Variants in IFT56 observed in about 807,000 individuals in gnomAD.
The protein encoded by IFT56 is intraflagellar transport protein 56.
chr7:139,173,811 T>C, the IFT56 span: 4 of 735,618 alleles, frequency 5.4e-6, no homozygotes, highest in Non-Finnish European at 1.0e-5. Flanking sequence ...GTTAATGTAA[T>C]AACAATCATC....
the IFT56 span, among the ~76,000 whole-genome samples, chr7:139,141,866 G>T: frequency 1.3e-5 from 2 of 152,174 alleles, no homozygotes; most frequent in Non-Finnish European, 2.9e-5. Flanking sequence ...AGAATACTGG[G>T]ACTAAGAGGT....
chr7:139,188,085 CT>C, the IFT56 span, among the ~76,000 whole-genome samples: 48 of 137,656 alleles, frequency 3.5e-4, no homozygotes, highest in Admixed American at 7.2e-4. Context: ...TATACTTTTT[CT>C]TTTTTTTTTT....
chr7:139,171,338 AC>A, the IFT56 span, among the ~76,000 whole-genome samples: 145 of 152,304 alleles, frequency 9.5e-4, no homozygotes, highest in African/African-American at 3.4e-3. Flanking sequence ...AATAGAAAAA[AC>A]AATCCTAAAA....
the IFT56 span, among the ~76,000 whole-genome samples, chr7:139,174,796 G>A: frequency 6.6e-6 from 1 of 152,086 alleles, no homozygotes; most frequent in Admixed American, 6.5e-5. Context: ...TGAGGCGGGT[G>A]GATCACCTGA....
At chr7:139,188,685 A>C in the IFT56 span, among the ~76,000 whole-genome samples, 1 of 152,256 alleles carries the variant, frequency 6.6e-6, no homozygotes, top group Non-Finnish European at 1.5e-5. Flanking sequence ...CAGATTTGCT[A>C]GGGCAATAAG....
the IFT56 span, chr7:139,148,525 A>G: frequency 1.2e-5 from 8 of 686,944 alleles, no homozygotes; most frequent in African/African-American, 3.6e-5. Flanking sequence ...ACCTAATTAT[A>G]TGTTTATCAG....
the IFT56 span, among the ~76,000 whole-genome samples, chr7:139,147,544 A>G: frequency 6.6e-6 from 1 of 152,166 alleles, no homozygotes; most frequent in African/African-American, 2.4e-5. Flanking sequence ...TGATAGATGT[A>G]TATTAATATA....
At chr7:139,180,792 G>A in the IFT56 span, among the ~76,000 whole-genome samples, 4 of 152,146 alleles carry the variant, frequency 2.6e-5, no homozygotes, top group African/African-American at 9.7e-5. Flanking sequence ...AGATTGAAAC[G>A]ACGAGTAGGA....
chr7:139,141,056 CG>C, the IFT56 span, among the ~76,000 whole-genome samples: 2 of 150,238 alleles, frequency 1.3e-5, no homozygotes, highest in Non-Finnish European at 3.0e-5. Flanking sequence ...GTCAGGAGAT[CG>C]AGACCATCCT....
chr7:139,139,059 G>T, the IFT56 span, among the ~76,000 whole-genome samples: 1 of 152,058 alleles, frequency 6.6e-6, no homozygotes, highest in Admixed American at 6.6e-5. Flanking sequence ...TGATCCGCCC[G>T]CCTCGGCCTC....
chr7:139,168,596 G>A, the IFT56 span: 7 of 561,844 alleles, frequency 1.2e-5, no homozygotes, highest in Non-Finnish European at 2.3e-5. Context: ...AAAAAAACTT[G>A]TAACCCTAAA....
At chr7:139,166,511 A>C in the IFT56 span, among the ~76,000 whole-genome samples, 1 of 137,626 alleles carries the variant, frequency 7.3e-6, no homozygotes, top group African/African-American at 3.3e-5. Flanking sequence ...TAATTCCTAT[A>C]TACTTAATAT....
chr7:139,161,192 T>G, the IFT56 span: 12 of 520,508 alleles, frequency 2.3e-5, no homozygotes, highest in African/African-American at 2.3e-4. Flanking sequence ...TCTGTTTCCT[T>G]AAGGAAATCC....
chr7:139,181,116 T>C, the IFT56 span: 1 of 1,610,944 alleles, frequency 6.2e-7, no homozygotes, highest in Non-Finnish European at 8.5e-7. Flanking sequence ...AAACCAAGAC[T>C]AGCCTGGGAA....
the IFT56 span, among the ~76,000 whole-genome samples, chr7:139,149,431 CTATTCTAACCCAGGAGTTTCTCACCTCT>C: frequency 1.3e-5 from 2 of 151,834 alleles, no homozygotes. Flanking sequence ...TCCTTGGCTA[CTATTCTAACCCAGGAGTTTCTCACCTCT>C]TATTTTGGCC....
chr7:139,186,428 A>G, the IFT56 span, among the ~76,000 whole-genome samples: 11 of 138,628 alleles, frequency 7.9e-5, no homozygotes, highest in South Asian at 2.4e-3. Context: ...CCTATCTCTA[A>G]AAAAAAAAAA....
chr7:139,187,666 A>G, the IFT56 span: 1 of 1,222,824 alleles, frequency 8.2e-7, no homozygotes. Flanking sequence ...GATGAAAAAA[A>G]GGTTGATATT....
At chr7:139,183,518 A>G in the IFT56 span, among the ~76,000 whole-genome samples, 1 of 152,232 alleles carries the variant, frequency 6.6e-6, no homozygotes, top group Non-Finnish European at 1.5e-5. Flanking sequence ...AAATGGCAGA[A>G]TTAAGCCCTA....
At chr7:139,160,683 G>A in the IFT56 span, among the ~76,000 whole-genome samples, 33 of 152,162 alleles carry the variant, frequency 2.2e-4, 2 homozygotes, top group East Asian at 6.0e-3. Flanking sequence ...TGATCCGCCC[G>A]CCTTGGCCTC....
Sources: allele counts gnomAD v4.1 joint callset (sites outside exome capture counted in the v4.1 genomes callset), GRCh38; gene constraint gnomAD v4.1.1; transcripts MANE v1.5; gene names NCBI Gene and HGNC (gene_info 2026-07-23, HGNC 2026-07-21).